RYR2: variants seen among roughly 807,000 people sequenced by gnomAD.
The protein encoded by RYR2 is ryanodine receptor 2, also known as cardiac muscle ryanodine receptor-calcium release channel.
A neutral mutation model predicts 601.1 loss-of-function variants in RYR2; 227 were observed. That is an observed-to-expected ratio of 0.38 (90% CI 0.34 to 0.42). RYR2 has a LOEUF of 0.42. Among genes scored for constraint, RYR2 ranks in the 10% least tolerant of loss-of-function variants. The pLI, the probability that RYR2 is intolerant of heterozygous loss-of-function variation, is 1.00. For synonymous variants in RYR2, 2,223 were observed against 2,175.1 expected, an observed-to-expected ratio of 1.02 and a Z score of -0.61; for missense variants, 4,646 against 6,156.5, an observed-to-expected ratio of 0.75 and a Z score of 8.21.
chr1:237,667,841 T>C lies in RYR2; in HGVS notation c.8515-42T>C, dbSNP rs1357362407. 6 of 1,436,444 alleles carry C rather than the reference T, an allele frequency of 4.2e-6. No individual in the cohort carries two copies. In the East Asian group the frequency reaches 1.0e-4, roughly 24 times the overall value. 89.0% of individuals were successfully genotyped at this position (1,436,444 alleles called of 1,614,324 possible). A position where few individuals can be genotyped will look rare whatever the true frequency, so the allele number is the denominator to read the frequency against. ...TATATATTAGAAAGCAATATTATCCTTTTTTACTTATTGAAACGATAAATA... is the reference window on the plus strand; with the variant it reads ...TATATATTAGAAAGCAATATTATCCCTTTTTACTTATTGAAACGATAAATA... On this transcript the variant is annotated intron_variant, in intron 57 of 104. Transcript: ENST00000366574.
chr1:237,351,727 C>G (rs1698856656), intron 3 of RYR2, among the ~76,000 whole-genome samples: 1 of 151,620 alleles, frequency 6.6e-6, no homozygotes, highest in African/African-American at 2.4e-5. Context: ...CCCAGATGGC[C>G]TCACTGGTTA....
chr1:237,603,629 T>A (rs909207809), intron 35 of RYR2, among the ~76,000 whole-genome samples: 2 of 152,108 alleles, frequency 1.3e-5, no homozygotes, highest in Non-Finnish European at 2.9e-5. Context: ...AAACACAGAC[T>A]GGCAAATTGG....
chr1:237,148,577 T>TATAG (rs1464579621), intron 1 of RYR2, among the ~76,000 whole-genome samples: 1 of 129,902 alleles, frequency 7.7e-6, no homozygotes, highest in African/African-American at 3.3e-5. Context: ...TATATATATA[T>TATAG]ACACACACAT....
intron 25 of RYR2, among the ~76,000 whole-genome samples, chr1:237,545,365 A>G (rs1333416519): frequency 2.0e-5 from 3 of 152,248 alleles, no homozygotes; most frequent in Non-Finnish European, 4.4e-5. Context: ...TATTGCTAGA[A>G]AGTCTACCAT....
chr1:237,127,967 A>G (rs1458004232), intron 1 of RYR2, among the ~76,000 whole-genome samples: 2 of 152,084 alleles, frequency 1.3e-5, no homozygotes, highest in Non-Finnish European at 2.9e-5. Flanking sequence ...GATGCTCCTC[A>G]CTTCCCAGAT....
Position 237,588,097 on chromosome 1 carries a change from T to C in RYR2, c.3599-1696T>C, listed in dbSNP as rs80230928. 2.3e-3 allele frequency among the ~76,000 whole-genome samples: 349 copies of C among 152,326 alleles called. 3 individuals are homozygous for C. The highest frequency in any genetic ancestry group is 8.0e-3 in the African/African-American group (334 of 41,570). ...CATTTAAAACAACTTTTCTTGACTATAGCTTTAAGAGCTGTCACAGCTGCA... is the reference window on the plus strand; with the variant it reads ...CATTTAAAACAACTTTTCTTGACTACAGCTTTAAGAGCTGTCACAGCTGCA... On this transcript the variant is annotated intron_variant, in intron 29 of 104. Transcript: ENST00000366574.
intron 38 of RYR2, 24 bp from the exon 39 acceptor site, chr1:237,623,741 C>T (rs778808617): frequency 6.8e-7 from 1 of 1,475,506 alleles, no homozygotes; most frequent in East Asian, 2.3e-5. Flanking sequence ...CCTTCTTCCT[C>T]TTTCTTGTTT....
intron 2 of RYR2, among the ~76,000 whole-genome samples, chr1:237,324,858 T>C (rs1227119811): frequency 6.6e-6 from 1 of 152,204 alleles, no homozygotes; most frequent in Non-Finnish European, 1.5e-5. Context: ...TGGAGCCCAA[T>C]TGAAAGGCAG....
At chr1:237,697,602 T>TC (rs1443288414) in intron 63 of RYR2, among the ~76,000 whole-genome samples, 5 of 149,474 alleles carry the variant, frequency 3.3e-5, no homozygotes, top group African/African-American at 9.8e-5. Flanking sequence ...TAAATGATTT[T>TC]TTTTTTTTTT....
chr1:237,366,229 T>C (rs559057149), intron 5 of RYR2, among the ~76,000 whole-genome samples: 44 of 152,286 alleles, frequency 2.9e-4, no homozygotes, highest in Non-Finnish European at 4.7e-4. Flanking sequence ...CTAAGCCTGA[T>C]CTGTTCCCTG....
chr1:237,761,442 C>A (rs1400938610), intron 84 of RYR2, among the ~76,000 whole-genome samples: 1 of 152,188 alleles, frequency 6.6e-6, no homozygotes, highest in Non-Finnish European at 1.5e-5. Flanking sequence ...ATCCTTTGAG[C>A]TCCTTCAGTC....
intron 61 of RYR2, 47 bp downstream of exon 61, chr1:237,678,159 C>T: frequency 9.7e-7 from 1 of 1,035,218 alleles, no homozygotes. Flanking sequence ...TGTTTGTTTA[C>T]ATACCCTACT....
chr1:237,543,732 G>C (rs1669532060), intron 25 of RYR2, among the ~76,000 whole-genome samples: 1 of 152,120 alleles, frequency 6.6e-6, no homozygotes, highest in Non-Finnish European at 1.5e-5. Context: ...AAAGGTTGGT[G>C]CTTACTGTTT....
chr1:237,821,979 A>G (rs865881884), intron 101 of RYR2, among the ~76,000 whole-genome samples: 3 of 152,074 alleles, frequency 2.0e-5, no homozygotes, highest in Admixed American at 6.5e-5. Flanking sequence ...TTAGAGAAAA[A>G]AGAGTGAAAA....
intron 56 of RYR2, 102 bp downstream of exon 56, chr1:237,661,049 T>C: frequency 8.8e-7 from 1 of 1,133,400 alleles, no homozygotes; most frequent in Non-Finnish European, 1.1e-6. Flanking sequence ...CTGAAAATTC[T>C]GAAGAGTCAC....
chr1:237,805,126 G>A lies in RYR2; in HGVS notation c.14152-1011G>A, dbSNP rs557605714. ...GTTGAGAAAGCCTGCTGCGGAGTAGGAAGTCAATAAATGTTTCTCTGTCGG... is the reference window on the plus strand; with the variant it reads ...GTTGAGAAAGCCTGCTGCGGAGTAGAAAGTCAATAAATGTTTCTCTGTCGG... On this transcript the variant is annotated intron_variant, in intron 98 of 104. Transcript: ENST00000366574. Among the ~76,000 whole-genome samples the A allele has an allele frequency of 3.9e-4, 59 of 152,278 alleles. No homozygotes were observed. In the South Asian group the frequency reaches 5.2e-3, roughly 13 times the overall value.
intron 11 of RYR2, among the ~76,000 whole-genome samples, chr1:237,422,087 G>C (rs1705655956): frequency 6.6e-6 from 1 of 152,112 alleles, no homozygotes; most frequent in Non-Finnish European, 1.5e-5. Flanking sequence ...TTAAGGGAAA[G>C]TCATGCACGA....
chr1:237,127,394 G>T (rs1373969825), intron 1 of RYR2, among the ~76,000 whole-genome samples: 5 of 150,936 alleles, frequency 3.3e-5, no homozygotes, highest in African/African-American at 1.2e-4. Context: ...CCCGGACGGG[G>T]CGGCTGGCCG....
rs28497968 is a variant in RYR2, at chr1:237,832,877, A to T, written c.*230A>T. The stretch of plus-strand genomic sequence containing the variant: ...TCTAAATTCATACTCAGACAAAAAA[A>T]GGAATTCTGGAAAGAAAACCATTCT... On this transcript the variant is annotated 3_prime_UTR_variant, in exon 105 of 105. Transcript: ENST00000366574. 2.5e-6 allele frequency: 1 copy of T among 393,146 alleles called. No individual in the cohort carries two copies. Among genetic ancestry groups the T allele is most frequent in the Non-Finnish European group, 4.6e-6 (1 of 216,930 alleles). The allele number at this position is 393,146 out of a possible 1,614,324, so 24.4% of individuals were successfully genotyped here. A position where few individuals can be genotyped will look rare whatever the true frequency, so the allele number is the denominator to read the frequency against.
Sources: gnomAD v4.1 joint callset for allele counts (sites outside exome capture counted in the v4.1 genomes callset) on GRCh38, gnomAD v4.1.1 for gene constraint, MANE v1.5 for transcripts, NCBI Gene and HGNC (gene_info 2026-07-23, HGNC 2026-07-21) for gene names.